Variants in PHF14 observed in about 807,000 individuals in gnomAD.
The protein encoded by PHF14 is PHD finger protein 14.
PHF14 carries 55 observed loss-of-function variants against 117.9 expected under a neutral mutation model. The observed-to-expected ratio is 0.47, with a 90% CI of 0.38 to 0.58. The LOEUF is 0.58. Ranked by LOEUF, PHF14 falls within the 20% of genes least tolerant of loss-of-function variation. The pLI is 0.00. For synonymous variants in PHF14, 409 were observed against 368.6 expected, an observed-to-expected ratio of 1.11 and a Z score of -1.26; for missense variants, 978 against 1,122.2, an observed-to-expected ratio of 0.87 and a Z score of 1.84.
At chr7:11,030,779 A>G (rs1784095147) in intron 7 of PHF14, among the ~76,000 whole-genome samples, 1 of 152,164 alleles carries the variant, frequency 6.6e-6, no homozygotes, top group Non-Finnish European at 1.5e-5. Context: ...CTCCCTATTC[A>G]CTACCTTACT....
At chr7:11,094,541 C>G (rs1336608417) in intron 16 of PHF14, among the ~76,000 whole-genome samples, 1 of 152,114 alleles carries the variant, frequency 6.6e-6, no homozygotes, top group African/African-American at 2.4e-5. Flanking sequence ...TTTGCAAAAT[C>G]CCTTTTACCA....
intron 13 of PHF14, among the ~76,000 whole-genome samples, chr7:11,044,590 G>GT (rs1784607419): frequency 6.6e-6 from 1 of 152,010 alleles, no homozygotes; most frequent in Non-Finnish European, 1.5e-5. Context: ...TCAGAGAATT[G>GT]TTTTTTCTTT....
chr7:10,982,140 T>C (rs1782063763), intron 2 of PHF14, among the ~76,000 whole-genome samples: 1 of 152,180 alleles, frequency 6.6e-6, no homozygotes. Flanking sequence ...TAATTTAGGG[T>C]TATCTATATT....
At chr7:11,119,133 C>G (rs931539564) in intron 17 of PHF14, among the ~76,000 whole-genome samples, 25 of 151,804 alleles carry the variant, frequency 1.6e-4, no homozygotes, top group African/African-American at 5.8e-4. Context: ...GAAACTAAAT[C>G]ATAACTGAGA....
At position 11,036,630 on chromosome 7, in the gene PHF14, T is replaced by C. The variant is rs1475335463; in HGVS notation, c.1815T>C (p.Asp605=). ...VDNSDTSSSV[D]GRRKHKQPAL... is the part of the protein sequence containing the mutation. ...ATTCAGATACTAGTTCTAGTGTGGA[T>C]GGAAGGAGAAAACATAAGCAACCAG... The change falls in exon 9 of 18, where the codon GAT becomes GAC. Residue 605 remains aspartate (D), a synonymous_variant. Coordinates refer to ENST00000634607, the MANE Select transcript of PHF14 (RefSeq NM_001007157.2). 1 of 1,613,752 alleles carries C rather than the reference T, an allele frequency of 6.2e-7. No homozygotes were observed. Among genetic ancestry groups the C allele is most frequent in the East Asian group, 2.2e-5 (1 of 44,884 alleles).
chr7:11,136,575 T>A (rs185457801), intron 17 of PHF14, among the ~76,000 whole-genome samples: 1 of 152,296 alleles, frequency 6.6e-6, no homozygotes, highest in East Asian at 1.9e-4. Context: ...AAAGTGGAGG[T>A]TGAGCATGTC....
chr7:11,063,287 A>G (rs1304875959), intron 16 of PHF14: 1 of 984,402 alleles, frequency 1.0e-6, no homozygotes, highest in East Asian at 1.1e-4. Context: ...AATTTAGGGT[A>G]AAGTAGTAAG....
intron 17 of PHF14, among the ~76,000 whole-genome samples, chr7:11,154,238 G>C (rs530130014): frequency 6.6e-6 from 1 of 152,000 alleles, no homozygotes; most frequent in South Asian, 2.1e-4. Flanking sequence ...TATGTATACA[G>C]AGTTCCTCAA....
intron 14 of PHF14, among the ~76,000 whole-genome samples, chr7:11,054,023 C>T (rs1262036375): frequency 7.1e-6 from 1 of 140,860 alleles, no homozygotes; most frequent in African/African-American, 2.6e-5. Context: ...GTTGAAGCTC[C>T]AAAAAAAAAA....
At chr7:11,078,826 G>C (rs1176136511) in intron 16 of PHF14, among the ~76,000 whole-genome samples, 1 of 151,994 alleles carries the variant, frequency 6.6e-6, no homozygotes, top group African/African-American at 2.4e-5. Flanking sequence ...TTTTGTAGTA[G>C]AAAATGTTTT....
intron 3 of PHF14, among the ~76,000 whole-genome samples, chr7:10,989,058 A>C (rs1782349614): frequency 6.6e-6 from 1 of 152,178 alleles, no homozygotes; most frequent in African/African-American, 2.4e-5. Context: ...GCCATTTGTC[A>C]GCCCCAGACC....
chr7:11,013,289 G>A (rs1224443211), intron 4 of PHF14, among the ~76,000 whole-genome samples: 1 of 152,058 alleles, frequency 6.6e-6, no homozygotes, highest in Non-Finnish European at 1.5e-5. Context: ...GGCTTCTCGA[G>A]TAGCTGGGAT....
chr7:11,038,849 A>C lies in PHF14; in HGVS notation c.2070A>C (p.Thr690=). Residue 690 remains threonine, a synonymous_variant, in exon 11 of 18, where the codon ACA becomes ACC. Transcript: ENST00000634607. ...TATGGGCTTTACTAGGCAGAATCAC[A>C]GGGCAGGTTAGTTTCTTTCCAATTG... ...QGIWALLGRI[T]GQKLNIPAIL... 1 of 1,513,246 alleles carries C rather than the reference A, an allele frequency of 6.6e-7. No homozygotes were observed. The highest frequency in any genetic ancestry group is 1.2e-5 in the South Asian group (1 of 80,710). 93.7% of individuals were successfully genotyped at this position (1,513,246 alleles called of 1,614,324 possible). A position where few individuals can be genotyped will look rare whatever the true frequency, so the allele number is the denominator to read the frequency against.
chr7:11,148,038 A>T (rs1788597272), intron 17 of PHF14, among the ~76,000 whole-genome samples: 1 of 152,068 alleles, frequency 6.6e-6, no homozygotes, highest in African/African-American at 2.4e-5. Flanking sequence ...ATTCCTAATT[A>T]CTTTCTTTTG....
intron 2 of PHF14, 110 bp downstream of exon 2, chr7:10,975,055 A>G: frequency 1.5e-6 from 1 of 677,840 alleles, no homozygotes; most frequent in South Asian, 1.7e-5. Flanking sequence ...GAAAGCACGT[A>G]AACTTCATTT....
intron 11 of PHF14, among the ~76,000 whole-genome samples, chr7:11,040,290 T>C (rs1444794020): frequency 6.6e-6 from 1 of 152,112 alleles, no homozygotes; most frequent in African/African-American, 2.4e-5. Flanking sequence ...ATTTTTCTAA[T>C]TAACCTATGG....
intron 17 of PHF14, among the ~76,000 whole-genome samples, chr7:11,143,920 C>A (rs960625244): frequency 6.6e-6 from 1 of 151,900 alleles, no homozygotes; most frequent in African/African-American, 2.4e-5. Context: ...AGGAAACAAT[C>A]AACAGAGTAA....
intron 11 of PHF14, 41 bp downstream of exon 11, chr7:11,038,896 C>T: frequency 2.2e-6 from 2 of 921,230 alleles, no homozygotes; most frequent in Non-Finnish European, 3.3e-6. Context: ...AGTTCTTGCT[C>T]CCTATATGAT....
intron 7 of PHF14, among the ~76,000 whole-genome samples, chr7:11,034,426 AAAATGT>A (rs1784237859): frequency 6.6e-6 from 1 of 151,930 alleles, no homozygotes; most frequent in East Asian, 1.9e-4. Context: ...TTTATGAATG[AAAATGT>A]ACTGTTAGGC....
Sources: gnomAD v4.1 joint callset for allele counts (sites outside exome capture counted in the v4.1 genomes callset) on GRCh38, gnomAD v4.1.1 for gene constraint, MANE v1.5 for transcripts, NCBI Gene and HGNC (gene_info 2026-07-23, HGNC 2026-07-21) for gene names.